CD99L2: variants seen among roughly 807,000 people sequenced by gnomAD.
CD99L2 encodes the protein CD99 molecule like 2.
Under a neutral mutation model 27.3 loss-of-function variants are expected in CD99L2, and 24 were observed. That is an observed-to-expected ratio of 0.88 (90% CI 0.64 to 1.24). The LOEUF (loss-of-function observed/expected upper bound fraction) is 1.24, where lower values mean the gene tolerates loss of function less well. Among genes scored for constraint, CD99L2 ranks in the 50% most tolerant of loss-of-function variants. The probability of loss-of-function intolerance (pLI) is 0.00; values close to 1 mark genes in which losing one functional copy is unlikely to be tolerated. For missense variants in CD99L2, 255 were observed against 221.6 expected (o/e 1.15, Z -0.96); for synonymous variants, 97 against 87.9 (o/e 1.10, Z -0.58).
At chrX:150,769,963 T>C (rs1456174382) in intron 10 of CD99L2, among the ~76,000 whole-genome samples, 1 of 112,941 alleles carries the variant, frequency 8.9e-6, no homozygotes, top group Non-Finnish European at 1.9e-5. Context: ...TAGGTCTAGG[T>C]GAAAAGCTTC....
intron 1 of CD99L2, among the ~76,000 whole-genome samples, chrX:150,843,597 G>T (rs781834866): frequency 7.2e-5 from 8 of 110,363 alleles, no homozygotes; most frequent in Admixed American, 3.9e-4. Flanking sequence ...GTTGCAGTGA[G>T]CCAAGATCAT....
chrX:150,874,590 G>A (rs960695383), intron 1 of CD99L2, among the ~76,000 whole-genome samples: 18 of 111,082 alleles, frequency 1.6e-4, no homozygotes, highest in African/African-American at 4.6e-4. Context: ...GGGAAGTATC[G>A]CAGGAGAGGG....
chrX:150,897,123 T>G (rs2047624051), intron 1 of CD99L2, among the ~76,000 whole-genome samples: 1 of 112,664 alleles, frequency 8.9e-6, no homozygotes, highest in African/African-American at 3.2e-5. Context: ...TGATCATACA[T>G]TTTCCTACAA....
In CD99L2 at chrX:150,769,051, C is replaced by T. The variant is rs201756978; in HGVS notation, c.772G>A (p.Glu258Lys). 85 of 1,154,476 alleles carry T rather than the reference C, an allele frequency of 7.4e-5. No individual in the cohort carries two copies. Among genetic ancestry groups the T allele is most frequent in the East Asian group, 7.0e-4 (21 of 30,063 alleles). Reference protein sequence around the residue: ...TQSAEPPPPPEPARI With the variant: ...TQSAEPPPPPKPARI ...CAGGGCCCTCAGATCCGGGCTGGTT[C>T]GGGCGGCGGCGGCGGCTCTGCAGAC... Residue 258 changes from glutamate (E) to lysine (K), a missense_variant, in exon 11 of 11, where the codon GAA (glutamate) becomes AAA (lysine). Physicochemically the swap from Glu to Lys is moderately conservative, Grantham distance 56 (BLOSUM62 1). Transcript: ENST00000370377.
At chrX:150,858,939 TGCTAGGCTAACCAAAATA>T (rs1218597332) in intron 1 of CD99L2, among the ~76,000 whole-genome samples, 5 of 111,665 alleles carry the variant, frequency 4.5e-5, no homozygotes, top group African/African-American at 1.3e-4. Context: ...AAACCAATTT[TGCTAGGCTAACCAAAATA>T]GCTAGGCTAA....
rs987178392 is a variant in CD99L2, at chrX:150,768,058, C to T, written c.*976G>A. On this transcript the variant is annotated 3_prime_UTR_variant, in exon 11 of 11. Transcript: ENST00000370377. ...ACAAAGTCACCTGCGTTTCACTAAA[C>T]CAAGCGAATGTCTCTTTCCCCTCTC... is the stretch of plus-strand genomic sequence containing the variant. 6.3e-5 allele frequency: 7 copies of T among 111,972 alleles called. No homozygotes were observed. Among genetic ancestry groups the T allele is most frequent in the African/African-American group, 2.3e-4 (7 of 30,755 alleles). The allele number at this position is 111,972 out of a possible 1,213,427, so 9.2% of individuals were successfully genotyped here.
At chrX:150,896,739 G>C (rs868946570) in intron 1 of CD99L2, among the ~76,000 whole-genome samples, 3 of 112,329 alleles carry the variant, frequency 2.7e-5, no homozygotes, top group Middle Eastern at 9.3e-3. Context: ...CTAAGTAGTC[G>C]AAGTGGGGTA....
intron 1 of CD99L2, among the ~76,000 whole-genome samples, chrX:150,833,914 G>C (rs1173365607): frequency 8.9e-6 from 1 of 112,004 alleles, no homozygotes; most frequent in African/African-American, 3.2e-5. Flanking sequence ...CAACAAAAGT[G>C]AAAGTAGACA....
At chrX:150,855,248 A>G (rs1357112514) in intron 1 of CD99L2, among the ~76,000 whole-genome samples, 3 of 112,182 alleles carry the variant, frequency 2.7e-5, no homozygotes, top group African/African-American at 6.5e-5. Flanking sequence ...GTCATACTGG[A>G]GTGGAGTGGG....
chrX:150,798,857 C>T lies in CD99L2; in HGVS notation c.278-3371G>A, dbSNP rs782735970. On this transcript the variant is annotated intron_variant, in intron 4 of 10. Coordinates refer to ENST00000370377, the MANE Select transcript of CD99L2 (RefSeq NM_031462.4). ...CCTCCGCCTTCCAGACTCAAGTGAT[C>T]CTCTTATCTTAGCCTTCTGAGTAGC... 5.3e-5 allele frequency among the ~76,000 whole-genome samples: 6 copies of T among 112,436 alleles called. No individual in the cohort carries two copies. The South Asian group carries it at 2.2e-3, about 41-fold the overall frequency.
At chrX:150,854,548 G>A (rs1170790568) in intron 1 of CD99L2, among the ~76,000 whole-genome samples, 1 of 111,751 alleles carries the variant, frequency 8.9e-6, no homozygotes, top group Admixed American at 9.5e-5. Context: ...TATTTGGAGA[G>A]AGGGTCTTAA....
intron 2 of CD99L2, among the ~76,000 whole-genome samples, chrX:150,830,960 T>C (rs61541804): frequency 0.29 from 30,956 of 108,416 alleles, 3,595 homozygotes; most frequent in African/African-American, 0.42. Context: ...AGGCATGCAA[T>C]ACCACACCCG....
rs1557418894 is a variant in CD99L2 at position 150,769,644 on chromosome X, CAACACTCGCCT to C, written c.722-554_722-544del. On this transcript the variant is annotated intron_variant, in intron 10 of 10. Coordinates refer to ENST00000370377, the MANE Select transcript of CD99L2 (RefSeq NM_031462.4). ...GGCTGCTGCACTGTAGTTCCACTGGCAACACTCGCCTGAGCTGTCCTAGTCTCCCTGCCTGC... is the reference window on the plus strand; with the variant it reads ...GGCTGCTGCACTGTAGTTCCACTGGCGAGCTGTCCTAGTCTCCCTGCCTGC... Among the ~76,000 whole-genome samples the C allele has an allele frequency of 4.8e-3, 532 of 109,893 alleles. 1 individual carries two copies. Among genetic ancestry groups the C allele is most frequent in the African/African-American group, 0.016 (503 of 30,695 alleles).
chrX:150,770,042 G>C (rs111383074), intron 10 of CD99L2, among the ~76,000 whole-genome samples: 38 of 112,951 alleles, frequency 3.4e-4, no homozygotes, highest in African/African-American at 6.4e-4. Flanking sequence ...GCTCTGGCTC[G>C]GACGGACGAA....
At chrX:150,868,058 G>T (rs1444011124) in intron 1 of CD99L2, among the ~76,000 whole-genome samples, 1 of 104,387 alleles carries the variant, frequency 9.6e-6, no homozygotes, top group Non-Finnish European at 1.9e-5. Context: ...CTCCAGCCTA[G>T]GCGACAGAGT....
intron 1 of CD99L2, among the ~76,000 whole-genome samples, chrX:150,896,396 T>C (rs2047611259): frequency 8.9e-6 from 1 of 112,047 alleles, no homozygotes; most frequent in Non-Finnish European, 1.9e-5. Context: ...AGACTCCGTC[T>C]CAAAAAAATT....
chrX:150,837,232 G>A (rs1006594418), intron 1 of CD99L2, among the ~76,000 whole-genome samples: 3 of 110,292 alleles, frequency 2.7e-5, no homozygotes, highest in Non-Finnish European at 3.8e-5. Flanking sequence ...TGAGGTGCCA[G>A]AAAGTAAGAA....
intron 7 of CD99L2, among the ~76,000 whole-genome samples, chrX:150,781,086 CAAAAAGCTG>C (rs111959140): frequency 0.015 from 1,626 of 111,921 alleles, 39 homozygotes; most frequent in African/African-American, 0.05. Flanking sequence ...TGCAGAGCAG[CAAAAAGCTG>C]AGGGGAATCT....
intron 7 of CD99L2, among the ~76,000 whole-genome samples, chrX:150,783,678 A>G (rs892125815): frequency 3.6e-5 from 4 of 112,430 alleles, no homozygotes; most frequent in African/African-American, 1.3e-4. Context: ...AGCCCTGTGA[A>G]CCCACAGTAG....
Sources: allele counts gnomAD v4.1 joint callset (sites outside exome capture counted in the v4.1 genomes callset), GRCh38; gene constraint gnomAD v4.1.1; transcripts MANE v1.5; gene names NCBI Gene and HGNC (gene_info 2026-07-23, HGNC 2026-07-21).